CSMD1: variants seen among roughly 807,000 people sequenced by gnomAD.
CSMD1 encodes the protein CUB and Sushi multiple domains 1.
CSMD1 carries 213 observed loss-of-function variants against 417.5 expected under a neutral mutation model. The ratio of observed to expected loss-of-function variants is 0.51; its 90% CI spans 0.46 to 0.57. CSMD1 has a LOEUF of 0.57. Ranked by LOEUF, CSMD1 falls within the 20% of genes least tolerant of loss-of-function variation. The pLI is 0.00. For missense variants in CSMD1, 6,923 were observed against 4,529.7 expected, an observed-to-expected ratio of 1.53 and a Z score of -15.17; for synonymous variants, 2,862 against 1,736.8, an observed-to-expected ratio of 1.65 and a Z score of -16.11.
At chr8:3,050,603 C>A (rs1811757958) in intron 50 of CSMD1, among the ~76,000 whole-genome samples, 1 of 152,092 alleles carries the variant, frequency 6.6e-6, no homozygotes, top group Admixed American at 6.6e-5. Context: ...GCTATCCTAG[C>A]CTCCCATACT....
At chr8:4,417,824 T>A (rs1448225146) in intron 3 of CSMD1, among the ~76,000 whole-genome samples, 1 of 152,020 alleles carries the variant, frequency 6.6e-6, no homozygotes, top group East Asian at 1.9e-4. Flanking sequence ...GTGTATTTGC[T>A]TATTTTATGC....
intron 3 of CSMD1, among the ~76,000 whole-genome samples, chr8:4,263,713 C>A (rs1029069283): frequency 5.9e-5 from 9 of 152,080 alleles, no homozygotes; most frequent in Non-Finnish European, 8.8e-5. Context: ...ATCTTACTGG[C>A]AACAATAATA....
intron 1 of CSMD1, among the ~76,000 whole-genome samples, chr8:4,680,024 T>C (rs766395457): frequency 6.6e-6 from 1 of 152,228 alleles, no homozygotes; most frequent in Non-Finnish European, 1.5e-5. Flanking sequence ...TCAAGTACTT[T>C]AATCTTAGCA....
intron 7 of CSMD1, among the ~76,000 whole-genome samples, chr8:3,632,978 G>A (rs561134520): frequency 1.3e-5 from 2 of 152,366 alleles, no homozygotes; most frequent in South Asian, 4.1e-4. Flanking sequence ...ACTTTGAAAA[G>A]TGGGTGCTCT....
At chr8:4,255,899 G>T (rs922793798) in intron 3 of CSMD1, among the ~76,000 whole-genome samples, 1 of 152,148 alleles carries the variant, frequency 6.6e-6, no homozygotes, top group Non-Finnish European at 1.5e-5. Flanking sequence ...AAACCCATGA[G>T]GGCAGAGGTA....
At chr8:3,581,638 G>A (rs1163287988) in intron 9 of CSMD1, among the ~76,000 whole-genome samples, 1 of 152,138 alleles carries the variant, frequency 6.6e-6, no homozygotes, top group Non-Finnish European at 1.5e-5. Context: ...CACCTCGCTG[G>A]AATACCTTTA....
At chr8:4,548,167 C>T (rs180895171) in intron 2 of CSMD1, among the ~76,000 whole-genome samples, 1 of 152,208 alleles carries the variant, frequency 6.6e-6, no homozygotes, top group East Asian at 1.9e-4. Context: ...ATTGGAGACT[C>T]CTACAAGAGC....
At chr8:3,891,298 C>T (rs987545116) in intron 5 of CSMD1, among the ~76,000 whole-genome samples, 2 of 152,156 alleles carry the variant, frequency 1.3e-5, no homozygotes, top group Non-Finnish European at 2.9e-5. Context: ...GATCTACCTG[C>T]CTCAACCTCC....
At chr8:4,942,005 T>A (rs1808034982) in intron 1 of CSMD1, among the ~76,000 whole-genome samples, 1 of 152,332 alleles carries the variant, frequency 6.6e-6, no homozygotes, top group Admixed American at 6.5e-5. Context: ...CTGAATCAAA[T>A]CATTACAGTC....
chr8:3,888,777 T>C (rs996050633), intron 5 of CSMD1, among the ~76,000 whole-genome samples: 1 of 152,150 alleles, frequency 6.6e-6, no homozygotes, highest in Non-Finnish European at 1.5e-5. Context: ...GTCCTTCCAT[T>C]TGGGTCCTTC....
chr8:2,974,206 G>A (rs1018481511), intron 56 of CSMD1, among the ~76,000 whole-genome samples: 4 of 152,208 alleles, frequency 2.6e-5, no homozygotes, highest in Admixed American at 6.6e-5. Context: ...CCTCTCAAAT[G>A]AGATCCAGAC....
chr8:3,372,870 A>C (rs1255076626), intron 18 of CSMD1, among the ~76,000 whole-genome samples: 2 of 152,188 alleles, frequency 1.3e-5, no homozygotes, highest in African/African-American at 4.8e-5. Flanking sequence ...ATAAGCTTCC[A>C]TAGAGGGAAC....
At chr8:4,831,224 A>T (rs897482032) in intron 1 of CSMD1, among the ~76,000 whole-genome samples, 2 of 152,222 alleles carry the variant, frequency 1.3e-5, no homozygotes, top group Non-Finnish European at 2.9e-5. Context: ...TCCACACCTG[A>T]CAAAAAGAGG....
chr8:4,730,832 G>T (rs1357597867), intron 1 of CSMD1, among the ~76,000 whole-genome samples: 3 of 152,190 alleles, frequency 2.0e-5, no homozygotes, highest in Admixed American at 6.5e-5. Flanking sequence ...TGTGCATAAT[G>T]CTTTATCTAA....
At chr8:3,640,420 G>C (rs1349431912) in intron 7 of CSMD1, among the ~76,000 whole-genome samples, 1 of 152,166 alleles carries the variant, frequency 6.6e-6, no homozygotes, top group Non-Finnish European at 1.5e-5. Flanking sequence ...GTAAAGACCA[G>C]AGACCATCTT....
intron 3 of CSMD1, among the ~76,000 whole-genome samples, chr8:4,292,490 A>C (rs928326189): frequency 7.2e-5 from 11 of 151,996 alleles, no homozygotes; most frequent in East Asian, 1.9e-4. Context: ...CTGACCTCGT[A>C]ATCTGCCTGC....
At position 4,446,982 on chromosome 8, in the gene CSMD1, T is replaced by G. The variant is rs73660838; in HGVS notation, c.303-26917A>C. On this transcript the variant is annotated intron_variant, in intron 2 of 69. Coordinates refer to ENST00000635120, the MANE Select transcript of CSMD1 (RefSeq NM_033225.6). The stretch of plus-strand genomic sequence containing the variant: ...CCCTACAAAAACAGCAGGAGATGAC[T>G]GGGTGGAGTGGTAAGAAACTGTTGC... Among the ~76,000 whole-genome samples the G allele has an allele frequency of 6.9e-3, 1,038 of 150,660 alleles. 18 individuals are homozygous for G. Among genetic ancestry groups the G allele is most frequent in the African/African-American group, 0.024 (989 of 40,988 alleles).
chr8:4,017,301 T>A (rs1220012324), intron 4 of CSMD1, among the ~76,000 whole-genome samples: 1 of 152,158 alleles, frequency 6.6e-6, no homozygotes, highest in Non-Finnish European at 1.5e-5. Flanking sequence ...TGCCACATAA[T>A]TTCTTTCTTT....
chr8:4,036,022 G>C (rs888010203), intron 3 of CSMD1, among the ~76,000 whole-genome samples: 2 of 151,968 alleles, frequency 1.3e-5, no homozygotes, highest in Non-Finnish European at 1.5e-5. Flanking sequence ...CCTTTTCTAT[G>C]TTTAGAGACA....
Sources: allele counts gnomAD v4.1 joint callset (sites outside exome capture counted in the v4.1 genomes callset), GRCh38; gene constraint gnomAD v4.1.1; transcripts MANE v1.5; gene names NCBI Gene and HGNC (gene_info 2026-07-23, HGNC 2026-07-21).